Variants in STK3 observed in about 807,000 individuals in gnomAD.
The protein encoded by STK3 is serine/threonine-protein kinase 3.
Under a neutral mutation model 58.0 loss-of-function variants are expected in STK3, and 41 were observed. The ratio of observed to expected loss-of-function variants is 0.71; its 90% CI spans 0.55 to 0.92. The LOEUF (loss-of-function observed/expected upper bound fraction) is 0.92, where lower values mean the gene tolerates loss of function less well. STK3 is among the 40% of genes least tolerant of loss of function. The probability of loss-of-function intolerance (pLI) is 0.00; values close to 1 mark genes in which losing one functional copy is unlikely to be tolerated. For synonymous variants in STK3, 170 were observed against 191.0 expected (o/e 0.89, Z 0.91); for missense variants, 479 against 602.7 (o/e 0.79, Z 2.15).
At chr8:98,583,845 ATGTGTG>A (rs529496460) in intron 7 of STK3, among the ~76,000 whole-genome samples, 7 of 144,748 alleles carry the variant, frequency 4.8e-5, no homozygotes, top group East Asian at 2.1e-4. Context: ...GAGAGAGTGT[ATGTGTG>A]TGTGTGTGTG....
intron 6 of STK3, among the ~76,000 whole-genome samples, chr8:98,692,998 T>C (rs184473063): frequency 1.3e-5 from 2 of 152,162 alleles, no homozygotes; most frequent in East Asian, 3.9e-4. Flanking sequence ...GTTAAGAATC[T>C]TGAAAGCAGA....
chr8:98,494,544 C>T (rs545583807), intron 10 of STK3, among the ~76,000 whole-genome samples: 2 of 148,286 alleles, frequency 1.3e-5, no homozygotes, highest in South Asian at 2.1e-4. Flanking sequence ...AATCCCAGCA[C>T]TTTGGGAGGC....
chr8:98,858,998 A>T (rs1163603876), intron 3 of STK3, among the ~76,000 whole-genome samples: 1 of 152,190 alleles, frequency 6.6e-6, no homozygotes, highest in Non-Finnish European at 1.5e-5. Flanking sequence ...AGAAAAGCCA[A>T]CTCAGTGTCT....
chr8:98,634,304 T>C (rs944632579), intron 6 of STK3, among the ~76,000 whole-genome samples: 2 of 152,054 alleles, frequency 1.3e-5, no homozygotes, highest in Admixed American at 6.5e-5. Flanking sequence ...CTGGGCAACA[T>C]GGTGAAACCC....
At chr8:98,458,999 A>C (rs1199940471) in intron 10 of STK3, among the ~76,000 whole-genome samples, 1 of 152,196 alleles carries the variant, frequency 6.6e-6, no homozygotes, top group Admixed American at 6.5e-5. Context: ...TGAAATGTGG[A>C]AGCAACTTTG....
chr8:98,622,242 C>G (rs894767430), intron 6 of STK3, among the ~76,000 whole-genome samples: 6 of 151,532 alleles, frequency 4.0e-5, no homozygotes, highest in African/African-American at 1.5e-4. Flanking sequence ...GCACTCCAGC[C>G]TGGGTGACAG....
At chr8:98,608,553 T>G (rs1441093789) in intron 6 of STK3, among the ~76,000 whole-genome samples, 1 of 152,232 alleles carries the variant, frequency 6.6e-6, no homozygotes, top group East Asian at 1.9e-4. Context: ...AAATTTGGTA[T>G]ATAGTTTATT....
chr8:98,931,699 A>G (rs1840010910), intron 1 of STK3, among the ~76,000 whole-genome samples: 1 of 152,214 alleles, frequency 6.6e-6, no homozygotes, highest in South Asian at 2.1e-4. Context: ...TTGCCTTGTA[A>G]GAAAGGAGCC....
At chr8:98,933,276 A>ACATTT (rs1164520189) in intron 1 of STK3, among the ~76,000 whole-genome samples, 10 of 152,334 alleles carry the variant, frequency 6.6e-5, no homozygotes, top group African/African-American at 2.4e-4. Flanking sequence ...AAAGCGAAAT[A>ACATTT]CATTTGTATG....
chr8:98,630,803 A>C (rs1483605158), intron 6 of STK3, among the ~76,000 whole-genome samples: 1 of 151,864 alleles, frequency 6.6e-6, no homozygotes, highest in Non-Finnish European at 1.5e-5. Flanking sequence ...AAGAAGAGGA[A>C]GAGGAAGAAG....
At chr8:98,738,773 T>G (rs200511114) in intron 4 of STK3, among the ~76,000 whole-genome samples, 6 of 152,330 alleles carry the variant, frequency 3.9e-5, no homozygotes, top group East Asian at 1.9e-4. Context: ...TGTGCGAGCC[T>G]AAGCAGGGCG....
intron 6 of STK3, among the ~76,000 whole-genome samples, chr8:98,634,901 C>T (rs1322324517): frequency 6.6e-6 from 1 of 152,028 alleles, no homozygotes. Context: ...GGACTACAGG[C>T]ATGCGTTTTT....
intron 1 of STK3, among the ~76,000 whole-genome samples, chr8:98,785,560 C>G (rs1832409542): frequency 6.6e-6 from 1 of 152,176 alleles, no homozygotes; most frequent in South Asian, 2.1e-4. Flanking sequence ...CCTCTGCCCC[C>G]TCAGGGCTGA....
At chr8:98,364,346 G>A in the STK3 span, among the ~76,000 whole-genome samples, 1 of 152,174 alleles carries the variant, frequency 6.6e-6, no homozygotes, top group African/African-American at 2.4e-5. Context: ...AGAAGCAGAT[G>A]GTGCTTTATA....
intron 10 of STK3, among the ~76,000 whole-genome samples, chr8:98,467,943 A>G (rs1820612173): frequency 6.6e-6 from 1 of 152,244 alleles, no homozygotes; most frequent in Admixed American, 6.5e-5. Flanking sequence ...TCATATCATA[A>G]AAATGTAAAT....
In STK3 at chr8:98,653,112, C is replaced by A. The variant is rs544774394; in HGVS notation, c.684+53355G>T. On this transcript the variant is annotated intron_variant, in intron 6 of 10. Transcript: ENST00000419617. ...GCTCTCCTCAGCAAATGTAAAAGAA[C>A]ACAAATTATAACAAACTGTCTCTCA... Among the ~76,000 whole-genome samples, 89 of 152,270 alleles carry A rather than the reference C, an allele frequency of 5.8e-4. 1 individual carries two copies. The highest frequency in any genetic ancestry group is 6.3e-4 in the Non-Finnish European group (43 of 68,014).
intron 6 of STK3, among the ~76,000 whole-genome samples, chr8:98,635,756 T>C (rs747827661): frequency 6.6e-6 from 1 of 152,148 alleles, no homozygotes; most frequent in Non-Finnish European, 1.5e-5. Context: ...AACATGTATA[T>C]ATAACAATAG....
At chr8:98,597,349 T>C (rs1302672960) in intron 6 of STK3, 3 of 985,362 alleles carry the variant, frequency 3.0e-6, no homozygotes, top group Non-Finnish European at 3.6e-6. Context: ...TACCAGTATA[T>C]GCATCTTCTT....
downstream of STK3, among the ~76,000 whole-genome samples, chr8:98,398,668 A>G (rs901026562): frequency 4.6e-5 from 7 of 151,994 alleles, no homozygotes; most frequent in Non-Finnish European, 1.0e-4. Context: ...GCATGCTCCC[A>G]TCTCCCCCGA....
Sources: allele counts gnomAD v4.1 joint callset (sites outside exome capture counted in the v4.1 genomes callset), GRCh38; gene constraint gnomAD v4.1.1; transcripts MANE v1.5; gene names NCBI Gene and HGNC (gene_info 2026-07-23, HGNC 2026-07-21).